Variants in NFATC2 observed in about 807,000 individuals in gnomAD.
NFATC2 encodes nuclear factor of activated T cells 2, also known as nuclear factor of activated T-cells, cytoplasmic 2.
A neutral mutation model predicts 87.3 loss-of-function variants in NFATC2; 22 were observed. The ratio of observed to expected loss-of-function variants is 0.25; its 90% CI spans 0.18 to 0.36. NFATC2 has a LOEUF of 0.36. Among genes scored for constraint, NFATC2 ranks in the 10% least tolerant of loss-of-function variants. The pLI, the probability that NFATC2 is intolerant of heterozygous loss-of-function variation, is 1.00. For missense variants in NFATC2, 1,149 were observed against 1,259.1 expected (o/e 0.91, Z 1.32); for synonymous variants, 565 against 542.2 (o/e 1.04, Z -0.58).
intron 1 of NFATC2, among the ~76,000 whole-genome samples, chr20:51,549,803 T>C (rs2076918108): frequency 6.6e-6 from 1 of 152,250 alleles, no homozygotes; most frequent in African/African-American, 2.4e-5. Context: ...GGATGTGACA[T>C]GCAGAGTCAC....
chr20:51,541,915 A>G (rs940733223), intron 1 of NFATC2, among the ~76,000 whole-genome samples: 6 of 152,222 alleles, frequency 3.9e-5, no homozygotes, highest in Middle Eastern at 6.8e-3. Flanking sequence ...CCTACCCTTG[A>G]TAACTGGGTT....
At chr20:51,461,773 GA>G (rs1177221776) in intron 5 of NFATC2, among the ~76,000 whole-genome samples, 1 of 152,224 alleles carries the variant, frequency 6.6e-6, no homozygotes, top group Non-Finnish European at 1.5e-5. Context: ...AACCTCAGGA[GA>G]GACTGGTTAG....
intron 5 of NFATC2, among the ~76,000 whole-genome samples, chr20:51,456,758 C>T (rs1986577698): frequency 6.6e-6 from 1 of 152,264 alleles, no homozygotes. Context: ...TGGGCAGCAA[C>T]CGCGTGAGGC....
chr20:51,535,476 T>A (rs2076704672), intron 1 of NFATC2, among the ~76,000 whole-genome samples: 2 of 152,256 alleles, frequency 1.3e-5, no homozygotes, highest in South Asian at 4.1e-4. Flanking sequence ...GATTTAAAAT[T>A]AATGCCTTCT....
At chr20:51,504,949 C>T (rs1003014839) in intron 3 of NFATC2, among the ~76,000 whole-genome samples, 42 of 149,680 alleles carry the variant, frequency 2.8e-4, no homozygotes, top group African/African-American at 1.0e-3. Context: ...AAGAAATACA[C>T]CAGCAATAAG....
intron 1 of NFATC2, among the ~76,000 whole-genome samples, chr20:51,548,743 A>C (rs1488382756): frequency 7.2e-5 from 11 of 152,224 alleles, no homozygotes; most frequent in Non-Finnish European, 1.5e-5. Flanking sequence ...GCTGAAGGAA[A>C]GAATGGAAGA....
At chr20:51,414,190 G>T (rs6013179) in intron 9 of NFATC2, among the ~76,000 whole-genome samples, 120,813 of 151,598 alleles carry the variant, frequency 0.8, 49,534 homozygotes, top group East Asian at 0.9. Flanking sequence ...AGCCAGCCCA[G>T]GGGCAGTCAG....
At chr20:51,527,093 G>T (rs942679420) in intron 1 of NFATC2, among the ~76,000 whole-genome samples, 1 of 151,474 alleles carries the variant, frequency 6.6e-6, no homozygotes, top group Non-Finnish European at 1.5e-5. Flanking sequence ...TAGACAGGAG[G>T]TCTCACTATG....
intron 8 of NFATC2, among the ~76,000 whole-genome samples, 189 bp downstream of exon 8, chr20:51,434,999 G>C (rs959937559): frequency 1.3e-5 from 2 of 152,212 alleles, no homozygotes; most frequent in African/African-American, 4.8e-5. Context: ...ACTGTGCTAA[G>C]GATTTATGTG....
chr20:51,487,698 TA>T (rs1252722643), intron 3 of NFATC2, among the ~76,000 whole-genome samples: 2 of 151,666 alleles, frequency 1.3e-5, no homozygotes, highest in Non-Finnish European at 2.9e-5. Context: ...AGCCATGGCA[TA>T]AAAAAGGTGA....
In NFATC2 at chr20:51,517,821, G is replaced by A. The variant is rs186662964; in HGVS notation, c.1161-866C>T. Among the ~76,000 whole-genome samples, 148 of 151,644 alleles carry A rather than the reference G, an allele frequency of 9.8e-4. 1 individual carries two copies. Among genetic ancestry groups the A allele is most frequent in the Non-Finnish European group, 1.6e-3 (107 of 67,964 alleles). ...AATTCTAGCTACTCAGGAGGCTGAG[G>A]CATGAGAATCACTTGAACTTGGGAG... On this transcript the variant is annotated intron_variant, in intron 2 of 10. Coordinates refer to ENST00000371564, the MANE Select transcript of NFATC2 (RefSeq NM_012340.5).
intron 9 of NFATC2, among the ~76,000 whole-genome samples, chr20:51,422,424 G>A (rs16996006): frequency 0.043 from 6,479 of 152,170 alleles, 457 homozygotes; most frequent in African/African-American, 0.14. Context: ...CACTCTGGAT[G>A]GGCAAAACAG....
intron 5 of NFATC2, among the ~76,000 whole-genome samples, chr20:51,464,666 G>T (rs73271808): frequency 0.011 from 1,705 of 151,968 alleles, 36 homozygotes; most frequent in African/African-American, 0.039. Context: ...GTGCCGGGGG[G>T]TGGGGGGATG....
At chr20:51,447,079 T>C (rs547808375) in intron 6 of NFATC2, among the ~76,000 whole-genome samples, 44 of 63,180 alleles carry the variant, frequency 7.0e-4, no homozygotes, top group Middle Eastern at 5.7e-3. Context: ...GAAAAATACT[T>C]AATTTAGAAA....
chr20:51,550,345 C>T (rs2076922609), intron 1 of NFATC2, among the ~76,000 whole-genome samples: 1 of 152,158 alleles, frequency 6.6e-6, no homozygotes, highest in Non-Finnish European at 1.5e-5. Flanking sequence ...AATCCCAGGA[C>T]TTTGGGAAGC....
intron 3 of NFATC2, among the ~76,000 whole-genome samples, chr20:51,487,797 T>C (rs1989841136): frequency 6.8e-6 from 1 of 146,604 alleles, no homozygotes; most frequent in Non-Finnish European, 1.5e-5. Flanking sequence ...TGAGTCACTT[T>C]TGCCACAAGG....
upstream of NFATC2, chr20:51,542,753 G>C (rs1320202048): frequency 4.6e-5 from 26 of 567,142 alleles, 1 homozygote; most frequent in East Asian, 3.0e-4. Context: ...GGGAGGCGGG[G>C]GGGGGGGGGG....
At chr20:51,401,597 C>A in intron 9 of NFATC2, among the ~76,000 whole-genome samples, 1 of 152,108 alleles carries the variant, frequency 6.6e-6, no homozygotes, top group Non-Finnish European at 1.5e-5. Flanking sequence ...TTTAGACTTA[C>A]TACATGGTCC....
At chr20:51,398,175 G>A (rs1987490124) in intron 10 of NFATC2, among the ~76,000 whole-genome samples, 1 of 150,942 alleles carries the variant, frequency 6.6e-6, no homozygotes, top group African/African-American at 2.5e-5. Context: ...TGAGTGGAGG[G>A]AATCAGGATT....
Sources: gnomAD v4.1 joint callset for allele counts (sites outside exome capture counted in the v4.1 genomes callset) on GRCh38, gnomAD v4.1.1 for gene constraint, MANE v1.5 for transcripts, NCBI Gene and HGNC (gene_info 2026-07-23, HGNC 2026-07-21) for gene names.